CSMD1: variants seen among roughly 807,000 people sequenced by gnomAD.
CSMD1 encodes the protein CUB and sushi domain-containing protein 1.
In CSMD1, 213 loss-of-function variants were observed where a neutral mutation model predicts 417.5. The observed-to-expected ratio is 0.51, with a 90% CI of 0.46 to 0.57. The LOEUF (loss-of-function observed/expected upper bound fraction) is 0.57, where lower values mean the gene tolerates loss of function less well. Among genes scored for constraint, CSMD1 ranks in the 20% least tolerant of loss-of-function variants. The pLI, the probability that CSMD1 is intolerant of heterozygous loss-of-function variation, is 0.00. For synonymous variants in CSMD1, 2,862 were observed against 1,736.8 expected, an observed-to-expected ratio of 1.65 and a Z score of -16.11; for missense variants, 6,923 against 4,529.7, an observed-to-expected ratio of 1.53 and a Z score of -15.17.
chr8:3,726,421 T>C (rs887291832), intron 6 of CSMD1, among the ~76,000 whole-genome samples: 2 of 152,196 alleles, frequency 1.3e-5, no homozygotes, highest in Admixed American at 6.5e-5. Flanking sequence ...AAGGATGGAA[T>C]GAGATTGGTG....
At chr8:4,034,673 G>A (rs1685796137) in intron 3 of CSMD1, among the ~76,000 whole-genome samples, 1 of 151,978 alleles carries the variant, frequency 6.6e-6, no homozygotes, top group Admixed American at 6.6e-5. Context: ...AGTGAGAAAG[G>A]GAGTGATTAA....
intron 1 of CSMD1, among the ~76,000 whole-genome samples, chr8:4,744,553 C>T (rs1328899130): frequency 6.6e-6 from 1 of 152,096 alleles, no homozygotes; most frequent in Non-Finnish European, 1.5e-5. Flanking sequence ...GAGTAGCTAC[C>T]TCAATGATTT....
At chr8:3,968,199 T>G (rs946728258) in intron 5 of CSMD1, among the ~76,000 whole-genome samples, 13 of 151,206 alleles carry the variant, frequency 8.6e-5, no homozygotes, top group African/African-American at 2.7e-4. Flanking sequence ...ATAATAATAA[T>G]AATAATAATA....
In CSMD1 at chr8:4,562,034, G is replaced by A. The variant is rs142752299; in HGVS notation, c.302+75308C>T. ...AATAAATAAATAGAAAAGGAAGGCC[G>A]TACATATTCAATGCAGCCAGCAAAG... On this transcript the variant is annotated intron_variant, in intron 2 of 69. Coordinates refer to ENST00000635120, the MANE Select transcript of CSMD1 (RefSeq NM_033225.6). Among the ~76,000 whole-genome samples, 63 of 152,214 alleles carry A rather than the reference G, an allele frequency of 4.1e-4. No homozygotes were observed. In the East Asian group the frequency reaches 7.3e-3, roughly 18 times the overall value.
intron 3 of CSMD1, among the ~76,000 whole-genome samples, chr8:4,245,387 C>G (rs1484924926): frequency 6.6e-6 from 1 of 152,158 alleles, no homozygotes; most frequent in African/African-American, 2.4e-5. Context: ...CCTTTTCTGA[C>G]AGCCTGATCC....
intron 2 of CSMD1, among the ~76,000 whole-genome samples, chr8:4,433,313 A>T (rs190484993): frequency 1.3e-5 from 2 of 152,288 alleles, no homozygotes; most frequent in East Asian, 3.9e-4. Flanking sequence ...CTTCCACGAA[A>T]CTGGTCCCTG....
chr8:3,290,973 G>C (rs2117276070), intron 25 of CSMD1, among the ~76,000 whole-genome samples: 2 of 152,210 alleles, frequency 1.3e-5, no homozygotes, highest in South Asian at 2.1e-4. Flanking sequence ...GTCATAGATA[G>C]CTCTTATTAT....
intron 5 of CSMD1, among the ~76,000 whole-genome samples, chr8:3,772,454 T>TATACATATATACAC (rs1798644528): frequency 1.5e-5 from 1 of 64,862 alleles, no homozygotes; most frequent in African/African-American, 4.9e-5. Context: ...TATACACATA[T>TATACATATATACAC]ATATACATAT....
At chr8:4,364,197 A>G (rs974962283) in intron 3 of CSMD1, among the ~76,000 whole-genome samples, 5 of 152,198 alleles carry the variant, frequency 3.3e-5, no homozygotes, top group African/African-American at 1.2e-4. Flanking sequence ...AAAAATTTAA[A>G]AAATAAGTTA....
intron 1 of CSMD1, among the ~76,000 whole-genome samples, chr8:4,873,206 T>G (rs1429071768): frequency 6.6e-6 from 1 of 152,146 alleles, no homozygotes; most frequent in African/African-American, 2.4e-5. Context: ...AATCTGTATT[T>G]AATTATTGGG....
intron 2 of CSMD1, among the ~76,000 whole-genome samples, chr8:4,443,119 G>C (rs1398492698): frequency 6.6e-6 from 1 of 152,128 alleles, no homozygotes; most frequent in Non-Finnish European, 1.5e-5. Flanking sequence ...GCTGTAAAAA[G>C]TGGTAGCTGG....
chr8:4,019,694 T>C (rs1009549049), intron 4 of CSMD1, among the ~76,000 whole-genome samples: 2 of 152,154 alleles, frequency 1.3e-5, no homozygotes, highest in African/African-American at 2.4e-5. Context: ...CTGCTCCTGC[T>C]TTGTCAGTTA....
chr8:4,831,455 T>A (rs1200977584), intron 1 of CSMD1, among the ~76,000 whole-genome samples: 3 of 152,244 alleles, frequency 2.0e-5, no homozygotes, highest in African/African-American at 7.2e-5. Flanking sequence ...ACATTCTATG[T>A]GCCAAGCATT....
chr8:3,363,715 T>C (rs951674092), intron 20 of CSMD1, among the ~76,000 whole-genome samples: 2 of 152,090 alleles, frequency 1.3e-5, no homozygotes, highest in Non-Finnish European at 2.9e-5. Flanking sequence ...ATCACATATG[T>C]AATGGCACAA....
At chr8:3,487,422 C>G (rs1402157474) in intron 11 of CSMD1, among the ~76,000 whole-genome samples, 2 of 152,064 alleles carry the variant, frequency 1.3e-5, no homozygotes, top group South Asian at 2.1e-4. Context: ...AGGATGGTCT[C>G]GTTCTCCTGA....
intron 11 of CSMD1, among the ~76,000 whole-genome samples, chr8:3,486,193 T>C (rs1818021812): frequency 6.6e-6 from 1 of 152,240 alleles, no homozygotes; most frequent in Non-Finnish European, 1.5e-5. Context: ...GGATGTTTTA[T>C]TATATTAAGA....
intron 5 of CSMD1, among the ~76,000 whole-genome samples, chr8:3,816,267 C>A (rs774839645): frequency 1.1e-4 from 16 of 152,186 alleles, no homozygotes; most frequent in Non-Finnish European, 2.2e-4. Context: ...ATTTTCTCCA[C>A]ATTAAACTAG....
At chr8:4,330,965 A>T (rs1051712757) in intron 3 of CSMD1, among the ~76,000 whole-genome samples, 4 of 151,910 alleles carry the variant, frequency 2.6e-5, no homozygotes, top group African/African-American at 9.7e-5. Context: ...TAAATGCAAG[A>T]CCCCCCGACA....
chr8:3,467,840 T>A (rs1816868756), intron 12 of CSMD1, among the ~76,000 whole-genome samples: 1 of 152,234 alleles, frequency 6.6e-6, no homozygotes, highest in African/African-American at 2.4e-5. Flanking sequence ...TAACTTCTTG[T>A]TACATTTTTC....
Sources: allele counts gnomAD v4.1 joint callset (sites outside exome capture counted in the v4.1 genomes callset), GRCh38; gene constraint gnomAD v4.1.1; transcripts MANE v1.5; gene names NCBI Gene and HGNC (gene_info 2026-07-23, HGNC 2026-07-21).